The following RAPH1 variants were observed in gnomAD, a reference collection of about 807,000 sequenced individuals.
RAPH1 encodes the protein Ras association (RalGDS/AF-6) and pleckstrin homology domains 1.
RAPH1 carries 18 observed loss-of-function variants against 88.1 expected under a neutral mutation model. The ratio of observed to expected loss-of-function variants is 0.20; its 90% CI spans 0.14 to 0.30. The LOEUF is 0.30. RAPH1 is among the 10% of genes least tolerant of loss of function. RAPH1 has a pLI of 1.00. For missense variants in RAPH1, 1,448 were observed against 1,543.2 expected, an observed-to-expected ratio of 0.94 and a Z score of 1.03; for synonymous variants, 587 against 559.0, an observed-to-expected ratio of 1.05 and a Z score of -0.71.
intron 4 of RAPH1, among the ~76,000 whole-genome samples, chr2:203,483,385 C>T (rs1380911344): frequency 6.6e-6 from 1 of 152,092 alleles, no homozygotes; most frequent in African/African-American, 2.4e-5. Flanking sequence ...ACAGAATTTG[C>T]TGCTGGATTG....
Position 203,484,907 on chromosome 2 carries a change from G to A in RAPH1, c.732+4677C>T, listed in dbSNP as rs575636644. 4.0e-4 allele frequency among the ~76,000 whole-genome samples: 61 copies of A among 152,306 alleles called. 1 individual carries two copies. In the South Asian group the frequency reaches 9.7e-3, roughly 24 times the overall value. On this transcript the variant is annotated intron_variant, in intron 4 of 13. Transcript: ENST00000319170. ...AATAAAAAGAGACATGCCATCTTCTGAGGGAGTCCATACAGCTCACCACAG... is the reference window on the plus strand; with the variant it reads ...AATAAAAAGAGACATGCCATCTTCTAAGGGAGTCCATACAGCTCACCACAG...
chr2:203,508,482 C>T (rs1406580376), intron 1 of RAPH1, among the ~76,000 whole-genome samples: 1 of 152,076 alleles, frequency 6.6e-6, no homozygotes, highest in African/African-American at 2.4e-5. Context: ...TTTGAAATTA[C>T]AGTTTTCCCT....
At position 203,440,328 on chromosome 2, in the gene RAPH1, T is replaced by C; in HGVS notation, c.2862A>G (p.Gly954=). Residue 954 remains glycine (G), a synonymous_variant, in exon 14 of 14, where the codon GGA becomes GGG. Transcript: ENST00000319170. Reference sequence around the variant, plus strand: ...TCTTACTGGTCTTTTTGCCTGGAGATCCACTTTTGTCAGGGGTAGGAGAAG... The same window carrying C: ...TCTTACTGGTCTTTTTGCCTGGAGACCCACTTTTGTCAGGGGTAGGAGAAG... ...PTASPTPDKS[G]SPGKKTSKTS... The C allele has an allele frequency of 3.1e-6, 5 of 1,612,040 alleles. No homozygotes were observed. The highest frequency in any genetic ancestry group is 4.2e-6 in the Non-Finnish European group (5 of 1,179,058).
Position 203,439,252 on chromosome 2 carries a change from T to A in RAPH1, c.*185A>T. 1.7e-6 allele frequency: 1 copy of A among 582,580 alleles called. No individual in the cohort carries two copies. The highest frequency in any genetic ancestry group is 3.1e-6 in the Non-Finnish European group (1 of 327,308). The allele number at this position is 582,580 out of a possible 1,614,324, so 36.1% of individuals were successfully genotyped here. ...ATACACATACACATACATATATGTA[T>A]ACATATATACACACACTGTACAGCT... On this transcript the variant is annotated 3_prime_UTR_variant, in exon 14 of 14. Transcript: ENST00000319170.
intron 4 of RAPH1, among the ~76,000 whole-genome samples, chr2:203,470,063 A>G (rs1160762543): frequency 6.6e-6 from 1 of 152,264 alleles, no homozygotes; most frequent in Non-Finnish European, 1.5e-5. Flanking sequence ...TGTACTCTCA[A>G]TATTGCCTGA....
intron 1 of RAPH1, among the ~76,000 whole-genome samples, chr2:203,506,840 ATATATC>A (rs1160004385): frequency 4.7e-4 from 30 of 63,174 alleles, no homozygotes; most frequent in Non-Finnish European, 6.1e-4. Flanking sequence ...ATCTATATCT[ATATATC>A]TATCTATATC....
intron 4 of RAPH1, among the ~76,000 whole-genome samples, chr2:203,465,431 A>G (rs2098527713): frequency 6.6e-6 from 1 of 152,248 alleles, no homozygotes; most frequent in African/African-American, 2.4e-5. Flanking sequence ...TGACACTGGA[A>G]AAGCCAAAAC....
intron 4 of RAPH1, among the ~76,000 whole-genome samples, chr2:203,489,001 G>A (rs998809457): frequency 6.6e-6 from 1 of 152,108 alleles, no homozygotes; most frequent in Admixed American, 6.5e-5. Context: ...GTGAGCGCCT[G>A]TAATCCCAGC....
At chr2:203,470,321 A>G in intron 4 of RAPH1, 1 of 1,593,472 alleles carries the variant, frequency 6.3e-7, no homozygotes. Flanking sequence ...GTGCTTGTTC[A>G]GAAAAGAGAA....
chr2:203,514,353 G>GT (rs747324394), intron 1 of RAPH1, among the ~76,000 whole-genome samples: 8 of 152,126 alleles, frequency 5.3e-5, no homozygotes, highest in African/African-American at 9.6e-5. Context: ...TACTTTTAGG[G>GT]TTTTTTTGTT....
chr2:203,487,945 A>G (rs1688050371), intron 4 of RAPH1, among the ~76,000 whole-genome samples: 1 of 152,208 alleles, frequency 6.6e-6, no homozygotes, highest in African/African-American at 2.4e-5. Flanking sequence ...AAAAAAATCA[A>G]TGATGTCAAG....
intron 4 of RAPH1, among the ~76,000 whole-genome samples, chr2:203,467,419 C>T (rs1423522124): frequency 3.3e-5 from 5 of 150,096 alleles, no homozygotes; most frequent in Non-Finnish European, 4.4e-5. Context: ...AGCGAAACCC[C>T]GTCTCTACTA....
rs547474635 is a variant in RAPH1, at chr2:203,519,055, G to A, written c.-1+16056C>T. On this transcript the variant is annotated intron_variant, in intron 1 of 13. Coordinates refer to ENST00000319170, the MANE Select transcript of RAPH1 (RefSeq NM_213589.3). ...CACAAGGCCCAGATGGGTTCATTGTGAATTCTACCAAACATTTAGTGAAGA... is the reference window on the plus strand; with the variant it reads ...CACAAGGCCCAGATGGGTTCATTGTAAATTCTACCAAACATTTAGTGAAGA... Among the ~76,000 whole-genome samples, 5 of 152,240 alleles carry A rather than the reference G, an allele frequency of 3.3e-5. No individual in the cohort carries two copies. In the South Asian group the frequency reaches 8.3e-4, roughly 25 times the overall value.
chr2:203,454,448 G>T lies in RAPH1; in HGVS notation c.1395C>A (p.Asp465Glu), dbSNP rs1332498730. ...TGTTTACCTTCAGCACCAGACAATA[G>T]TCTGTAGGTGCTTTGTATTTGTTCC... The part of the protein sequence containing the change: ...DYRNKYKAPT[D>E]YCLVLKHPQI... The change falls in exon 10 of 14, where the codon GAC becomes GAA. Residue 465 changes from aspartate to glutamate, a missense_variant. Around this residue, in one of 2 missense-constraint regions of RAPH1, gnomAD observed 513 missense variants for 653.1 expected, o/e 0.79. Coordinates refer to ENST00000319170, the MANE Select transcript of RAPH1 (RefSeq NM_213589.3). 3.7e-6 allele frequency: 6 copies of T among 1,610,774 alleles called. No homozygotes were observed. The highest frequency in any genetic ancestry group is 1.7e-5 in the Admixed American group (1 of 59,880).
At chr2:203,514,463 T>C (rs1397774071) in intron 1 of RAPH1, among the ~76,000 whole-genome samples, 3 of 152,236 alleles carry the variant, frequency 2.0e-5, no homozygotes, top group Non-Finnish European at 4.4e-5. Flanking sequence ...CAACAAAATA[T>C]GGATTCCAGG....
rs753431953 is a variant in RAPH1, at chr2:203,495,326, C to T, written c.28G>A (p.Asp10Asn). The T allele has an allele frequency of 8.1e-6, 13 of 1,613,994 alleles. No homozygotes were observed. Among genetic ancestry groups the T allele is most frequent in the Non-Finnish European group, 1.1e-5 (13 of 1,179,944 alleles). The change falls in exon 2 of 14, where the codon GAT becomes AAT. Residue 10 changes from aspartate (D) to asparagine (N), a missense_variant. Around this residue, in one of 2 missense-constraint regions of RAPH1, gnomAD observed 513 missense variants for 653.1 expected, o/e 0.79. Coordinates refer to ENST00000319170, the MANE Select transcript of RAPH1 (RefSeq NM_213589.3). MEQLSDEEI[D>N]HGAEEDSDKE... ...TCACTGTCTTCTTCAGCACCATGAT[C>T]AATTTCTTCATCTGATAGCTGCTCC...
At chr2:203,488,588 TAA>T (rs750783858) in intron 4 of RAPH1, among the ~76,000 whole-genome samples, 15 of 36,658 alleles carry the variant, frequency 4.1e-4, no homozygotes, top group African/African-American at 1.6e-3. Flanking sequence ...CTCCGTCTAT[TAA>T]AAAAAAAAAA....
intron 1 of RAPH1, among the ~76,000 whole-genome samples, chr2:203,505,616 T>C (rs762968814): frequency 6.6e-6 from 1 of 152,232 alleles, no homozygotes; most frequent in Non-Finnish European, 1.5e-5. Flanking sequence ...GATTATCTTA[T>C]AATTAACTAT....
Position 203,489,871 on chromosome 2 carries a change from C to T in RAPH1, c.445G>A (p.Ala149Thr). The change falls in exon 4 of 14, where the codon GCC becomes ACC. Residue 149 changes from alanine (A) to threonine (T), a missense_variant. By Grantham distance (58) the Ala-to-Thr change is moderately conservative. Transcript: ENST00000319170. ...GTGACGTCGTCCAAGGAGTAGCTGG[C>T]ATGGGAAGGTTTAGCTATCCTATTA... ...SSNRIAKPSH[A>T]SYSLDDVTAQ... is the part of the protein sequence containing the mutation. 3.1e-6 allele frequency: 5 copies of T among 1,614,214 alleles called. No individual in the cohort carries two copies. Among genetic ancestry groups the T allele is most frequent in the Admixed American group, 1.7e-5 (1 of 60,016 alleles).
Sources: gnomAD v4.1 joint callset for allele counts (sites outside exome capture counted in the v4.1 genomes callset) on GRCh38, gnomAD v4.1.1 for gene constraint, gnomAD v4.1.1 regional missense constraint, MANE v1.5 for transcripts, NCBI Gene and HGNC (gene_info 2026-07-23, HGNC 2026-07-21) for gene names.